Variants in ATF1 observed in about 807,000 individuals in gnomAD.
ATF1 encodes the protein cyclic AMP-dependent transcription factor ATF-1.
In ATF1, 16 loss-of-function variants were observed where a neutral mutation model predicts 34.7. The observed-to-expected ratio is 0.46, with a 90% confidence interval of 0.31 to 0.70. The LOEUF is 0.70. Ranked by LOEUF, ATF1 falls within the 30% of genes least tolerant of loss-of-function variation. The pLI, the probability that ATF1 is intolerant of heterozygous loss-of-function variation, is 0.05. For synonymous variants in ATF1, 105 were observed against 113.1 expected, an observed-to-expected ratio of 0.93 and a Z score of 0.46; for missense variants, 255 against 321.6, an observed-to-expected ratio of 0.79 and a Z score of 1.58.
intron 3 of ATF1, among the ~76,000 whole-genome samples, chr12:50,805,625 G>A (rs1467256631): frequency 6.6e-6 from 1 of 151,334 alleles, no homozygotes; most frequent in East Asian, 1.9e-4. Flanking sequence ...TGGTTCTTAG[G>A]TAGGGAATGT....
rs779950819 is a variant in ATF1, at chr12:50,780,232, T to C, written c.87T>C (p.Ala29=). Residue 29 remains alanine (A), a synonymous_variant, in exon 2 of 7, where the codon GCT becomes GCC. Coordinates refer to ENST00000262053, the MANE Select transcript of ATF1 (RefSeq NM_005171.5). ...AVQGAHISHI[A]QQVSSLSESE... is the part of the protein sequence containing the mutation. ...AGGGAGCTCACATTTCTCATATTGC[T>C]CAACAGGTAAGGGAGGGACTGGCCA... 8.1e-6 allele frequency: 13 copies of C among 1,610,690 alleles called. No homozygotes were observed. The South Asian group carries it at 1.4e-4, about 18-fold the overall frequency.
At chr12:50,785,003 C>T (rs1941151747) in intron 2 of ATF1, among the ~76,000 whole-genome samples, 1 of 151,122 alleles carries the variant, frequency 6.6e-6, no homozygotes, top group Non-Finnish European at 1.5e-5. Context: ...CCCATTAACT[C>T]ATCATTTAGC....
intron 6 of ATF1, among the ~76,000 whole-genome samples, chr12:50,819,410 T>C (rs1487529344): frequency 6.6e-6 from 1 of 152,190 alleles, no homozygotes; most frequent in Non-Finnish European, 1.5e-5. Context: ...GGGAACTTTC[T>C]GGGACAGTGG....
chr12:50,815,185 A>G (rs1034008508), intron 6 of ATF1, among the ~76,000 whole-genome samples: 5 of 152,088 alleles, frequency 3.3e-5, no homozygotes, highest in African/African-American at 9.7e-5. Context: ...GGTATTCCAG[A>G]AGAAGGCATT....
Position 50,819,766 on chromosome 12 carries a change from A to G in ATF1, c.803A>G (p.Asn268Ser). The change falls in exon 7 of 7, where the codon AAT becomes AGT. Residue 268 changes from asparagine to serine, a missense_variant. Asn to Ser is a conservative substitution (Grantham distance 46). Transcript: ENST00000262053. ...ELKTLKDLYS[N>S]KSV is the part of the protein sequence containing the mutation. ...AAAACTTTGAAGGATCTTTATTCCA[A>G]TAAAAGTGTTTGATTCCTAAGAAAG... is the stretch of plus-strand genomic sequence containing the variant. The G allele has an allele frequency of 2.6e-6, 4 of 1,550,306 alleles. No homozygotes were observed. Among genetic ancestry groups the G allele is most frequent in the South Asian group, 2.4e-5 (2 of 83,300 alleles).
intron 3 of ATF1, among the ~76,000 whole-genome samples, chr12:50,801,212 A>G (rs1297475733): frequency 2.0e-5 from 3 of 152,220 alleles, no homozygotes; most frequent in Non-Finnish European, 4.4e-5. Context: ...AAATATAAAC[A>G]GTTCTAATAT....
At chr12:50,805,581 A>C (rs1481787491) in intron 3 of ATF1, among the ~76,000 whole-genome samples, 1 of 151,724 alleles carries the variant, frequency 6.6e-6, no homozygotes, top group Non-Finnish European at 1.5e-5. Flanking sequence ...AAAAAAAAAA[A>C]ACCTTTTGTG....
At chr12:50,768,517 A>G (rs1592162890) in intron 1 of ATF1, among the ~76,000 whole-genome samples, 1 of 152,232 alleles carries the variant, frequency 6.6e-6, no homozygotes, top group African/African-American at 2.4e-5. Flanking sequence ...CAAGGGCTCC[A>G]CCCTGAAGCC....
At chr12:50,795,652 G>C (rs1188401599) in intron 2 of ATF1, among the ~76,000 whole-genome samples, 1 of 152,034 alleles carries the variant, frequency 6.6e-6, no homozygotes, top group Non-Finnish European at 1.5e-5. Flanking sequence ...TGGTAAAATA[G>C]TACTGCTTCA....
intron 1 of ATF1, among the ~76,000 whole-genome samples, chr12:50,772,553 T>G (rs915826425): frequency 2.0e-5 from 3 of 152,138 alleles, no homozygotes; most frequent in Non-Finnish European, 4.4e-5. Flanking sequence ...CTCGAACTCC[T>G]GACCTCAAGT....
At chr12:50,774,381 G>A (rs546120700) in intron 1 of ATF1, among the ~76,000 whole-genome samples, 3 of 152,192 alleles carry the variant, frequency 2.0e-5, no homozygotes, top group Admixed American at 2.0e-4. Context: ...TTCTCTCTAT[G>A]TCAGCAAGAT....
At chr12:50,819,606 A>G (rs779278619) in intron 6 of ATF1, 29 bp from the exon 7 acceptor site, 3 of 1,601,856 alleles carry the variant, frequency 1.9e-6, no homozygotes, top group Non-Finnish European at 2.5e-6. Flanking sequence ...AGTTTTTTCT[A>G]ACATTGTTTT....
At chr12:50,791,996 A>G (rs1299135641) in intron 2 of ATF1, among the ~76,000 whole-genome samples, 1 of 152,118 alleles carries the variant, frequency 6.6e-6, no homozygotes, top group African/African-American at 2.4e-5. Context: ...TTAGTTTTCA[A>G]CCATATCTCT....
chr12:50,778,937 C>T (rs1439214149), intron 1 of ATF1, among the ~76,000 whole-genome samples: 1 of 152,174 alleles, frequency 6.6e-6, no homozygotes, highest in Non-Finnish European at 1.5e-5. Flanking sequence ...TCCCTTAGTC[C>T]CTGATAGCCA....
chr12:50,809,443 GT>G lies in ATF1; in HGVS notation c.195-5del, dbSNP rs4986837. Reference sequence around the variant, plus strand: ...ATTACCAATGTTTAATAGAGTTCTGGTTTTTTTTACAGAAAAATTTTGAAAG... The same window carrying G: ...ATTACCAATGTTTAATAGAGTTCTGGTTTTTTTACAGAAAAATTTTGAAAG... On this transcript the variant is annotated splice_polypyrimidine_tract_variant and intron_variant, in intron 3 of 6. Coordinates refer to ENST00000262053, the MANE Select transcript of ATF1 (RefSeq NM_005171.5). 1,514,044 of 1,596,592 alleles carry G rather than the reference GT, an allele frequency of 0.95. 723,067 individuals carry two copies. The highest frequency in any genetic ancestry group is 0.98 in the Non-Finnish European group (1,148,153 of 1,167,930).
chr12:50,803,329 A>G (rs545391560), intron 3 of ATF1, among the ~76,000 whole-genome samples: 40 of 152,212 alleles, frequency 2.6e-4, no homozygotes, highest in African/African-American at 9.6e-4. Flanking sequence ...ACAAATGACT[A>G]ATAAACCTAT....
In ATF1 at chr12:50,803,890, A is replaced by C. The variant is rs554791686; in HGVS notation, c.195-5566A>C. The stretch of plus-strand genomic sequence containing the variant: ...GATTCCATTTATATGAAACGTCCAA[A>C]ATAGACAAATTTATAGAAACAAAGT... On this transcript the variant is annotated intron_variant, in intron 3 of 6. Coordinates refer to ENST00000262053, the MANE Select transcript of ATF1 (RefSeq NM_005171.5). Among the ~76,000 whole-genome samples the C allele has an allele frequency of 9.2e-5, 14 of 152,364 alleles. No individual in the cohort carries two copies. In the East Asian group the frequency reaches 2.7e-3, roughly 29 times the overall value.
chr12:50,811,415 A>C (rs79580799), intron 4 of ATF1, among the ~76,000 whole-genome samples: 1 of 152,202 alleles, frequency 6.6e-6, no homozygotes, highest in Non-Finnish European at 1.5e-5. Context: ...TCCTTGACAT[A>C]TAGGACCTGG....
At chr12:50,766,698 TG>T (rs1231614439) in intron 1 of ATF1, among the ~76,000 whole-genome samples, 1 of 145,070 alleles carries the variant, frequency 6.9e-6, no homozygotes, top group Non-Finnish European at 1.5e-5. Context: ...ATGGGACTGC[TG>T]GAAAAGGTCC....
Sources: allele counts gnomAD v4.1 joint callset (sites outside exome capture counted in the v4.1 genomes callset), GRCh38; gene constraint gnomAD v4.1.1; transcripts MANE v1.5; gene names NCBI Gene and HGNC (gene_info 2026-07-23, HGNC 2026-07-21).